The following CNTNAP2 variants were observed in gnomAD, a reference collection of about 807,000 sequenced individuals.
CNTNAP2 encodes contactin-associated protein-like 2.
In CNTNAP2, 98 loss-of-function variants were observed where a neutral mutation model predicts 155.2. That is an observed-to-expected ratio of 0.63 (90% confidence interval 0.54 to 0.75). CNTNAP2 has a LOEUF of 0.75. Among genes scored for constraint, CNTNAP2 ranks in the 30% least tolerant of loss-of-function variants. The pLI, the probability that CNTNAP2 is intolerant of heterozygous loss-of-function variation, is 0.00. For missense variants in CNTNAP2, 1,727 were observed against 1,688.1 expected (o/e 1.02, Z -0.40); for synonymous variants, 651 against 631.2 (o/e 1.03, Z -0.47).
intron 3 of CNTNAP2, among the ~76,000 whole-genome samples, chr7:147,012,397 C>T (rs1160846485): frequency 1.3e-5 from 2 of 152,054 alleles, no homozygotes; most frequent in African/African-American, 2.4e-5. Flanking sequence ...ATAAAATGTG[C>T]TTCATAGTAT....
At chr7:147,274,210 C>T (rs1346079703) in intron 8 of CNTNAP2, among the ~76,000 whole-genome samples, 1 of 151,978 alleles carries the variant, frequency 6.6e-6, no homozygotes, top group Non-Finnish European at 1.5e-5. Context: ...GGTAGTTTTA[C>T]ATCTTTGAGA....
intron 20 of CNTNAP2, among the ~76,000 whole-genome samples, chr7:148,252,651 C>T (rs1585218282): frequency 6.6e-6 from 1 of 152,176 alleles, no homozygotes; most frequent in Non-Finnish European, 1.5e-5. Context: ...TATTCATGCC[C>T]TCAATAGTTC....
intron 14 of CNTNAP2, among the ~76,000 whole-genome samples, chr7:147,953,287 A>T (rs1563146718): frequency 6.6e-6 from 1 of 152,192 alleles, no homozygotes; most frequent in Non-Finnish European, 1.5e-5. Context: ...AACCAAGCTG[A>T]GTAGTGTGAA....
At chr7:147,230,084 G>A (rs1050851620) in intron 8 of CNTNAP2, among the ~76,000 whole-genome samples, 2 of 151,598 alleles carry the variant, frequency 1.3e-5, no homozygotes, top group African/African-American at 2.4e-5. Flanking sequence ...TGATCCAAAG[G>A]CTTCATACAT....
chr7:146,377,154 A>T (rs537814735), intron 1 of CNTNAP2, among the ~76,000 whole-genome samples: 1 of 152,208 alleles, frequency 6.6e-6, no homozygotes, highest in Non-Finnish European at 1.5e-5. Flanking sequence ...GTTCCATTTC[A>T]TTTTGGCTTC....
chr7:147,013,146 G>T (rs1020033236), intron 3 of CNTNAP2, among the ~76,000 whole-genome samples: 1 of 152,006 alleles, frequency 6.6e-6, no homozygotes. Flanking sequence ...GTTGTAGAAT[G>T]ATTAAAATTA....
intron 9 of CNTNAP2, among the ~76,000 whole-genome samples, chr7:147,391,228 C>T (rs1796711725): frequency 6.6e-6 from 1 of 152,178 alleles, no homozygotes; most frequent in South Asian, 2.1e-4. Context: ...CACTGGTCCA[C>T]AGCAGTTTTG....
intron 9 of CNTNAP2, among the ~76,000 whole-genome samples, chr7:147,393,913 G>T (rs761291960): frequency 6.6e-6 from 1 of 151,942 alleles, no homozygotes; most frequent in African/African-American, 2.4e-5. Flanking sequence ...TTTAAATATT[G>T]TAATCCATTA....
intron 10 of CNTNAP2, among the ~76,000 whole-genome samples, chr7:147,402,420 G>A (rs1033685666): frequency 8.5e-5 from 13 of 152,118 alleles, no homozygotes; most frequent in Admixed American, 5.9e-4. Flanking sequence ...ATATGTCATG[G>A]GTATTGCTGG....
intron 1 of CNTNAP2, among the ~76,000 whole-genome samples, chr7:146,478,898 G>A (rs1584943914): frequency 6.6e-6 from 1 of 152,190 alleles, no homozygotes; most frequent in Middle Eastern, 3.4e-3. Context: ...ATTAAAGATG[G>A]TGTCTACTGC....
chr7:147,531,171 G>T (rs919936597), intron 11 of CNTNAP2, among the ~76,000 whole-genome samples: 1 of 152,182 alleles, frequency 6.6e-6, no homozygotes, highest in Non-Finnish European at 1.5e-5. Flanking sequence ...GGCTGGAGTT[G>T]AGTGTCTGTG....
At chr7:147,367,394 A>G (rs1563177733) in intron 9 of CNTNAP2, among the ~76,000 whole-genome samples, 1 of 152,158 alleles carries the variant, frequency 6.6e-6, no homozygotes, top group Non-Finnish European at 1.5e-5. Context: ...CAGGGTAAAG[A>G]TGTGTGAAAA....
At chr7:148,378,673 A>G (rs1450669393) in intron 21 of CNTNAP2, among the ~76,000 whole-genome samples, 1 of 67,338 alleles carries the variant, frequency 1.5e-5, no homozygotes. Context: ...TGCTGTCACG[A>G]TACGGTGGTG....
At position 147,121,025 on chromosome 7, in the gene CNTNAP2, AG is replaced by A; in HGVS notation, c.803del (p.Gly268GlufsTer47). Reference protein sequence around the residue: ...PIYGHTSVMTGSLLDDHHWHS... With the variant: ...PIYGHTSVMTXSLLDDHHWHS... ...TATATGGCCACACATCAGTGATGAC[AG>A]GAAGTTTGCTGGATGACCACCACTG... On this transcript the variant is annotated frameshift_variant, in exon 6 of 24. Transcript: ENST00000361727. LOFTEE classifies it high-confidence loss of function. 6.2e-7 allele frequency: 1 copy of A among 1,614,030 alleles called. No individual in the cohort carries two copies. The highest frequency in any genetic ancestry group is 8.5e-7 in the Non-Finnish European group (1 of 1,180,006).
chr7:146,298,553 G>A (rs1329507502), intron 1 of CNTNAP2, among the ~76,000 whole-genome samples: 1 of 152,214 alleles, frequency 6.6e-6, no homozygotes, highest in Non-Finnish European at 1.5e-5. Context: ...AGGGTCATGA[G>A]GTTGCAAAGC....
At position 148,118,226 on chromosome 7, in the gene CNTNAP2, C is replaced by T. The variant is rs138344590; in HGVS notation, c.2492C>T (p.Thr831Ile). Residue 831 changes from threonine (T) to isoleucine (I), a missense_variant, in exon 16 of 24, where the codon ACC becomes ATC. Physicochemically the swap from Thr to Ile is moderately conservative, Grantham distance 89. Coordinates refer to ENST00000361727, the MANE Select transcript of CNTNAP2 (RefSeq NM_014141.6). ...ADISFYFKTLTPWGVFLENMG... is the reference protein window; with the variant it reads ...ADISFYFKTLIPWGVFLENMG... ...ATTTCTTTCTACTTCAAAACATTAACCCCCTGGGGAGTGTTTCTTGAAAAT... is the reference window on the plus strand; with the variant it reads ...ATTTCTTTCTACTTCAAAACATTAATCCCCTGGGGAGTGTTTCTTGAAAAT... The T allele has an allele frequency of 3.1e-6, 5 of 1,614,118 alleles. No individual in the cohort carries two copies. Among genetic ancestry groups the T allele is most frequent in the South Asian group, 2.2e-5 (2 of 91,078 alleles).
intron 12 of CNTNAP2, among the ~76,000 whole-genome samples, chr7:147,586,353 AGGG>A (rs1800621034): frequency 1.0e-5 from 1 of 96,566 alleles, no homozygotes; most frequent in South Asian, 3.8e-4. Context: ...AAAAGAAAGG[AGGG>A]TATAAGGAGG....
chr7:147,349,188 A>G (rs1795928437), intron 9 of CNTNAP2, among the ~76,000 whole-genome samples: 1 of 151,950 alleles, frequency 6.6e-6, no homozygotes. Flanking sequence ...TGAATACGCT[A>G]ATTATCCTAA....
rs575157493 is a variant in CNTNAP2 at position 146,247,365 on chromosome 7, G to A, written c.97+130392G>A. ...GTAAGCCGGACCGGGTGTGAGGAGGGGAGGTGATAAAAGGATTATAGGGTG... is the reference window on the plus strand; with the variant it reads ...GTAAGCCGGACCGGGTGTGAGGAGGAGAGGTGATAAAAGGATTATAGGGTG... On this transcript the variant is annotated intron_variant, in intron 1 of 23. Coordinates refer to ENST00000361727, the MANE Select transcript of CNTNAP2 (RefSeq NM_014141.6). 4.3e-3 allele frequency among the ~76,000 whole-genome samples: 648 copies of A among 152,284 alleles called. 4 individuals are homozygous for A. The highest frequency in any genetic ancestry group is 7.8e-3 in the Non-Finnish European group (528 of 68,018).
Sources: allele counts gnomAD v4.1 joint callset (sites outside exome capture counted in the v4.1 genomes callset), GRCh38; gene constraint gnomAD v4.1.1; transcripts MANE v1.5; gene names NCBI Gene and HGNC (gene_info 2026-07-23, HGNC 2026-07-21).